Variants in TAFA2 observed in about 807,000 individuals in gnomAD.
The protein encoded by TAFA2 is chemokine-like protein TAFA-2.
Under a neutral mutation model 18.8 loss-of-function variants are expected in TAFA2, and 7 were observed. That is an observed-to-expected ratio of 0.37 (90% CI 0.21 to 0.70). The LOEUF (loss-of-function observed/expected upper bound fraction) is 0.70. Ranked by LOEUF, TAFA2 falls within the 30% of genes least tolerant of loss-of-function variation. The pLI is 0.53. For missense variants in TAFA2, 122 were observed against 158.1 expected (o/e 0.77, Z 1.23); for synonymous variants, 60 against 54.2 (o/e 1.11, Z -0.47).
At chr12:61,834,019 T>A (rs753240928) in intron 2 of TAFA2, among the ~76,000 whole-genome samples, 14 of 152,076 alleles carry the variant, frequency 9.2e-5, no homozygotes, top group Non-Finnish European at 1.5e-4. Flanking sequence ...AGAATCACTA[T>A]ACCTCCTGAT....
At chr12:61,809,844 G>A (rs184030307) in intron 2 of TAFA2, among the ~76,000 whole-genome samples, 90 of 151,238 alleles carry the variant, frequency 6.0e-4, no homozygotes, top group Non-Finnish European at 9.3e-4. Flanking sequence ...CCCTAACATC[G>A]AAAGGGAAAT....
At chr12:61,847,551 G>A (rs192347432) in intron 2 of TAFA2, among the ~76,000 whole-genome samples, 40 of 152,224 alleles carry the variant, frequency 2.6e-4, no homozygotes, top group Non-Finnish European at 4.6e-4. Flanking sequence ...AGAGAATTAC[G>A]TTAGGATATA....
chr12:61,849,839 C>T lies in TAFA2; in HGVS notation c.106+17481G>A, dbSNP rs149711528. ...ATAAGATATACAAAATAACTTTTCC[C>T]TCAAATATTTTGCTATGTGAATTCT... On this transcript the variant is annotated intron_variant, in intron 2 of 4. Coordinates refer to ENST00000416284, the MANE Select transcript of TAFA2 (RefSeq NM_178539.5). 4.3e-3 allele frequency among the ~76,000 whole-genome samples: 653 copies of T among 152,164 alleles called. 2 individuals are homozygous for T. The highest frequency in any genetic ancestry group is 0.014 in the African/African-American group (602 of 41,542).
intron 1 of TAFA2, among the ~76,000 whole-genome samples, chr12:62,118,579 C>T (rs906388846): frequency 1.3e-4 from 20 of 152,076 alleles, no homozygotes; most frequent in African/African-American, 4.6e-4. Context: ...ATTTGCCCTC[C>T]AGTCAGCGAA....
At chr12:61,954,247 A>G (rs938783830) in intron 1 of TAFA2, among the ~76,000 whole-genome samples, 1 of 152,170 alleles carries the variant, frequency 6.6e-6, no homozygotes, top group African/African-American at 2.4e-5. Flanking sequence ...TTATATAGAA[A>G]TAAAGTTCTA....
intron 1 of TAFA2, among the ~76,000 whole-genome samples, chr12:62,157,895 G>A (rs1395361722): frequency 2.0e-5 from 3 of 152,172 alleles, no homozygotes; most frequent in Non-Finnish European, 2.9e-5. Flanking sequence ...GGCACTGTCT[G>A]TCTTGTTTAG....
chr12:62,080,381 T>A (rs549438253), intron 1 of TAFA2, among the ~76,000 whole-genome samples: 21 of 152,200 alleles, frequency 1.4e-4, no homozygotes, highest in Non-Finnish European at 1.2e-4. Context: ...CAGAGGATTA[T>A]ACAAGTATGT....
intron 1 of TAFA2, among the ~76,000 whole-genome samples, chr12:61,973,425 AC>A (rs1879323048): frequency 7.3e-6 from 1 of 136,382 alleles, no homozygotes; most frequent in Non-Finnish European, 1.6e-5. Flanking sequence ...AGTTTTCATT[AC>A]AACTTAGTTT....
intron 1 of TAFA2, among the ~76,000 whole-genome samples, chr12:62,159,650 G>A (rs556672946): frequency 6.6e-6 from 1 of 152,014 alleles, no homozygotes; most frequent in Non-Finnish European, 1.5e-5. Context: ...GAGTTTAGGA[G>A]CTAAGCTATG....
At chr12:62,001,677 C>A (rs1880380029) in intron 1 of TAFA2, among the ~76,000 whole-genome samples, 1 of 152,050 alleles carries the variant, frequency 6.6e-6, no homozygotes, top group Non-Finnish European at 1.5e-5. Flanking sequence ...GCTTCACTTG[C>A]CCTCCTGCTG....
Position 61,971,273 on chromosome 12 carries a change from T to C in TAFA2, c.-1-103847A>G, listed in dbSNP as rs1592522013. 2.0e-5 allele frequency among the ~76,000 whole-genome samples: 3 copies of C among 151,754 alleles called. No homozygotes were observed. The East Asian group carries it at 5.9e-4, about 30-fold the overall frequency. On this transcript the variant is annotated intron_variant, in intron 1 of 4. Coordinates refer to ENST00000416284, the MANE Select transcript of TAFA2 (RefSeq NM_178539.5). The stretch of plus-strand genomic sequence containing the variant: ...AGAGAGACAGTGGTAAATTATACAA[T>C]ACTCTTGAATCCACACAAAGTCTTG...
chr12:62,073,356 T>C (rs1279363529), intron 1 of TAFA2, among the ~76,000 whole-genome samples: 1 of 152,092 alleles, frequency 6.6e-6, no homozygotes, highest in Non-Finnish European at 1.5e-5. Context: ...GTAGGTGTTA[T>C]TATCTTATCT....
At chr12:61,890,798 G>A (rs1171717424) in intron 1 of TAFA2, among the ~76,000 whole-genome samples, 1 of 152,112 alleles carries the variant, frequency 6.6e-6, no homozygotes, top group African/African-American at 2.4e-5. Context: ...CCCTCCAGCA[G>A]ATGAAACCAT....
At chr12:62,147,266 ATG>A (rs1034125276) in intron 1 of TAFA2, among the ~76,000 whole-genome samples, 15 of 145,342 alleles carry the variant, frequency 1.0e-4, no homozygotes, top group East Asian at 4.0e-4. Flanking sequence ...GTGTATATAT[ATG>A]TGTGTGTGTA....
chr12:61,857,964 G>C (rs1873956824), intron 2 of TAFA2, among the ~76,000 whole-genome samples: 1 of 152,164 alleles, frequency 6.6e-6, no homozygotes, highest in Non-Finnish European at 1.5e-5. Flanking sequence ...GGTAAGGTAG[G>C]GTACTATGGA....
chr12:61,919,204 C>T (rs1565681085), intron 1 of TAFA2, among the ~76,000 whole-genome samples: 1 of 152,086 alleles, frequency 6.6e-6, no homozygotes, highest in Non-Finnish European at 1.5e-5. Context: ...TAAAATTCAT[C>T]ATATATATTT....
At chr12:62,152,314 A>T (rs1003434181) in intron 1 of TAFA2, among the ~76,000 whole-genome samples, 4 of 152,200 alleles carry the variant, frequency 2.6e-5, no homozygotes, top group African/African-American at 7.2e-5. Context: ...ACACAGATAA[A>T]ACAGCACAGG....
chr12:62,065,036 T>C (rs940849032), intron 1 of TAFA2, among the ~76,000 whole-genome samples: 1 of 152,028 alleles, frequency 6.6e-6, no homozygotes, highest in Non-Finnish European at 1.5e-5. Flanking sequence ...ACATATAATA[T>C]TACTTTAGAT....
intron 2 of TAFA2, among the ~76,000 whole-genome samples, chr12:61,832,620 G>A (rs12809729): frequency 0.28 from 42,743 of 151,928 alleles, 6,741 homozygotes; most frequent in South Asian, 0.39. Context: ...TGTAATGCAG[G>A]AATGTTACAC....
Sources: allele counts gnomAD v4.1 joint callset (sites outside exome capture counted in the v4.1 genomes callset), GRCh38; gene constraint gnomAD v4.1.1; transcripts MANE v1.5; gene names NCBI Gene and HGNC (gene_info 2026-07-23, HGNC 2026-07-21).